MCM6: variants seen among roughly 807,000 people sequenced by gnomAD.
MCM6 encodes the protein minichromosome maintenance complex component 6.
A neutral mutation model predicts 94.3 loss-of-function variants in MCM6; 46 were observed. The ratio of observed to expected loss-of-function variants is 0.49; its 90% CI spans 0.39 to 0.62. The LOEUF is 0.62. Ranked by LOEUF, MCM6 falls within the 20% of genes least tolerant of loss-of-function variation. The pLI, the probability that MCM6 is intolerant of heterozygous loss-of-function variation, is 0.00. For synonymous variants in MCM6, 335 were observed against 351.9 expected (o/e 0.95, Z 0.54); for missense variants, 865 against 1,017.9 (o/e 0.85, Z 2.04).
In MCM6 at chr2:135,876,417, G is replaced by A. The variant is rs755878298; in HGVS notation, c.-52C>T. ...GCGCCACGCTCGACCGCCACAAGTC[G>A]CTTTTTTCCAGACGCTGCAGCTTTG... On this transcript the variant is annotated 5_prime_UTR_variant, in exon 1 of 17. Transcript: ENST00000264156. The A allele has an allele frequency of 4.7e-6, 7 of 1,486,152 alleles. No homozygotes were observed. The East Asian group carries it at 7.2e-5, about 15-fold the overall frequency. 92.1% of individuals were successfully genotyped at this position (1,486,152 alleles called of 1,614,324 possible).
chr2:135,847,293 T>C lies in MCM6; in HGVS notation c.2053+760A>G, dbSNP rs1188568021. 2.0e-5 allele frequency among the ~76,000 whole-genome samples: 3 copies of C among 152,102 alleles called. No homozygotes were observed. The East Asian group carries it at 5.8e-4, about 29-fold the overall frequency. On this transcript the variant is annotated intron_variant, in intron 14 of 16. Coordinates refer to ENST00000264156, the MANE Select transcript of MCM6 (RefSeq NM_005915.6). The stretch of plus-strand genomic sequence containing the variant: ...TTAGCCAGGAGTGGTGGCGTGGGCA[T>C]ATGTCCCAGCTATTAGAGAGGATAG...
At chr2:135,873,609 A>G (rs1680243450) in intron 1 of MCM6, among the ~76,000 whole-genome samples, 1 of 152,254 alleles carries the variant, frequency 6.6e-6, no homozygotes. Flanking sequence ...CTCCATATAC[A>G]GCATGTTCTG....
chr2:135,854,608 C>A, intron 11 of MCM6, among the ~76,000 whole-genome samples: 1 of 149,620 alleles, frequency 6.7e-6, no homozygotes, highest in African/African-American at 2.5e-5. Context: ...TATGGTGGCA[C>A]ATGCCTATAA....
rs779345033 is a variant in MCM6 at position 135,844,582 on chromosome 2, CTTTTT to C, written c.2307_2311del (p.Lys770AsnfsTer13). ...TCGATGAATAACTTTCTCTATGATT[CTTTTT>C]TTATTTATAAGTTCTTCTTCAGAGT... On this transcript the variant is annotated frameshift_variant, in exon 16 of 17. Coordinates refer to ENST00000264156, the MANE Select transcript of MCM6 (RefSeq NM_005915.6). LOFTEE classifies it high-confidence loss of function. 1 of 1,578,676 alleles carries C rather than the reference CTTTTT, an allele frequency of 6.3e-7. No homozygotes were observed. Among genetic ancestry groups the C allele is most frequent in the Admixed American group, 1.9e-5 (1 of 54,016 alleles).
At chr2:135,847,064 T>C (rs912428818) in intron 14 of MCM6, among the ~76,000 whole-genome samples, 2 of 151,870 alleles carry the variant, frequency 1.3e-5, no homozygotes, top group African/African-American at 4.8e-5. Context: ...ATACATAGCA[T>C]ATAAGAATTT....
chr2:135,859,427 G>C lies in MCM6; in HGVS notation c.1236C>G (p.Phe412Leu), dbSNP rs763803471. Reference sequence around the variant, plus strand: ...CACTGGTGTAGACAGCTCTGGGGCTGAACTCCTCCACGTGCCTGTTCAAGG... The same window carrying C: ...CACTGGTGTAGACAGCTCTGGGGCTCAACTCCTCCACGTGCCTGTTCAAGG... ...KSQFLKHVEE[F>L]SPRAVYTSGK... Residue 412 changes from phenylalanine (F) to leucine (L), a missense_variant, in exon 9 of 17, where the codon TTC becomes TTG. Physicochemically the swap from Phe to Leu is conservative, Grantham distance 22 (BLOSUM62 0). Transcript: ENST00000264156. 6.2e-7 allele frequency: 1 copy of C among 1,611,166 alleles called. No individual in the cohort carries two copies. The highest frequency in any genetic ancestry group is 1.3e-5 in the African/African-American group (1 of 74,748).
At chr2:135,865,272 C>A (rs1335098025) in intron 6 of MCM6, 109 bp from the exon 7 acceptor site, 402 of 603,176 alleles carry the variant, frequency 6.7e-4, no homozygotes, top group Middle Eastern at 1.8e-3. Flanking sequence ...GTCAACCTCA[C>A]AATTTATTGA....
At chr2:135,850,838 GCC>G (rs1194760557) in intron 13 of MCM6, among the ~76,000 whole-genome samples, 1 of 152,070 alleles carries the variant, frequency 6.6e-6, no homozygotes, top group Admixed American at 6.6e-5. Flanking sequence ...GTAAAAAAAA[GCC>G]AAACCCCCTT....
intron 8 of MCM6, among the ~76,000 whole-genome samples, chr2:135,862,258 AT>A (rs1277004003): frequency 6.7e-6 from 1 of 148,512 alleles, no homozygotes; most frequent in South Asian, 2.1e-4. Flanking sequence ...CATAATTCAT[AT>A]TTTTATACAA....
rs372757156 is a variant in MCM6, at chr2:135,856,764, G to A, written c.1590C>T (p.Phe530=). The A allele has an allele frequency of 8.1e-6, 13 of 1,614,002 alleles. No individual in the cohort carries two copies. In the East Asian group the frequency reaches 1.6e-4, roughly 19 times the overall value. ...CATCCACAAGGATAAAGAAGAGATC[G>A]AATCGGGACATGATGGGAGCTGACA... is the stretch of plus-strand genomic sequence containing the variant. ...INLSAPIMSR[F]DLFFILVDEC... is the part of the protein sequence containing the mutation. The change falls in exon 11 of 17, where the codon TTC becomes TTT. Residue 530 remains phenylalanine (F), a synonymous_variant. Coordinates refer to ENST00000264156, the MANE Select transcript of MCM6 (RefSeq NM_005915.6).
intron 14 of MCM6, 113 bp from the exon 15 acceptor site, chr2:135,846,505 A>G (rs980013022): frequency 8.7e-6 from 7 of 803,592 alleles, no homozygotes; most frequent in Admixed American, 2.7e-5. Flanking sequence ...ACTTTTAAAA[A>G]TTATTATTAT....
chr2:135,854,295 G>A (rs911479362), intron 11 of MCM6, among the ~76,000 whole-genome samples: 1 of 152,022 alleles, frequency 6.6e-6, no homozygotes, highest in African/African-American at 2.4e-5. Flanking sequence ...CACGTTGGGA[G>A]GCCAAGACGG....
At chr2:135,845,855 G>C (rs1321037915) in intron 15 of MCM6, among the ~76,000 whole-genome samples, 1 of 152,106 alleles carries the variant, frequency 6.6e-6, no homozygotes, top group Non-Finnish European at 1.5e-5. Flanking sequence ...AGATTTCTAG[G>C]CTCAATTAAT....
Position 135,846,405 on chromosome 2 carries a change from T to C in MCM6, c.2054-13A>G. The C allele has an allele frequency of 1.2e-6, 2 of 1,613,414 alleles. No homozygotes were observed. Among genetic ancestry groups the C allele is most frequent in the South Asian group, 1.1e-5 (1 of 91,046 alleles). On this transcript the variant is annotated splice_polypyrimidine_tract_variant and intron_variant, in intron 14 of 16. Coordinates refer to ENST00000264156, the MANE Select transcript of MCM6 (RefSeq NM_005915.6). ...CTGTCAGCATGACCTAAGTGAAAAA[T>C]TGACCACCTGAATCTTATTTTTGTG...
chr2:135,857,999 C>T lies in MCM6; in HGVS notation c.1368G>A (p.Val456=), dbSNP rs141993192. ...TCTTATCAAATTCATCAATACAACACACACCCTGTAACCAAACAAATCAAG... is the reference window on the plus strand; with the variant it reads ...TCTTATCAAATTCATCAATACAACATACACCCTGTAACCAAACAAATCAAG... ...AGALMLADNG[V]CCIDEFDKMD... Residue 456 remains valine, a synonymous_variant, in exon 10 of 17, where the codon GTG becomes GTA. Coordinates refer to ENST00000264156, the MANE Select transcript of MCM6 (RefSeq NM_005915.6). The T allele has an allele frequency of 1.6e-4, 256 of 1,613,252 alleles. No homozygotes were observed. The highest frequency in any genetic ancestry group is 1.0e-3 in the Admixed American group (62 of 60,026).
intron 16 of MCM6, among the ~76,000 whole-genome samples, chr2:135,842,491 G>A (rs1184268188): frequency 6.6e-6 from 1 of 152,200 alleles, no homozygotes; most frequent in East Asian, 1.9e-4. Flanking sequence ...CTATGTGCCA[G>A]GTACCACTGT....
chr2:135,849,847 A>C (rs1679741276), intron 13 of MCM6, among the ~76,000 whole-genome samples: 4 of 152,216 alleles, frequency 2.6e-5, no homozygotes, highest in Admixed American at 2.6e-4. Context: ...AGAGTGAGAA[A>C]GGCCTAACAA....
chr2:135,857,869 C>T (rs1679921151), intron 10 of MCM6, 28 bp downstream of exon 10: 2 of 1,573,370 alleles, frequency 1.3e-6, no homozygotes, highest in Non-Finnish European at 1.7e-6. Flanking sequence ...ATGGACGATG[C>T]AGCAGAACAG....
chr2:135,863,066 C>G (rs1473370278), intron 7 of MCM6, among the ~76,000 whole-genome samples: 1 of 152,182 alleles, frequency 6.6e-6, no homozygotes, highest in African/African-American at 2.4e-5. Context: ...CCTCAAAGAT[C>G]TCTCCTGATA....
Sources: gnomAD v4.1 joint callset for allele counts (sites outside exome capture counted in the v4.1 genomes callset) on GRCh38, gnomAD v4.1.1 for gene constraint, MANE v1.5 for transcripts, NCBI Gene and HGNC (gene_info 2026-07-23, HGNC 2026-07-21) for gene names.